The following SCAMP1 variants were observed in gnomAD, a reference collection of about 807,000 sequenced individuals.
The protein encoded by SCAMP1 is secretory carrier-associated membrane protein 1.
In SCAMP1, 15 loss-of-function variants were observed where a neutral mutation model predicts 41.8. That is an observed-to-expected ratio of 0.36 (90% confidence interval 0.24 to 0.55). The LOEUF is 0.55. SCAMP1 is among the 20% of genes least tolerant of loss of function. SCAMP1 has a pLI of 0.86. For missense variants in SCAMP1, 341 were observed against 412.6 expected, an observed-to-expected ratio of 0.83 and a Z score of 1.50; for synonymous variants, 135 against 136.8, an observed-to-expected ratio of 0.99 and a Z score of 0.09.
At chr5:78,416,763 C>G (rs1388642513) in intron 4 of SCAMP1, 114 bp downstream of exon 4, 3 of 711,978 alleles carry the variant, frequency 4.2e-6, no homozygotes, top group Non-Finnish European at 6.9e-6. Flanking sequence ...TTTTCCTGTT[C>G]TAACAAGGAG....
At chr5:78,452,650 C>G (rs1334097418) in intron 7 of SCAMP1, among the ~76,000 whole-genome samples, 1 of 151,556 alleles carries the variant, frequency 6.6e-6, no homozygotes, top group Non-Finnish European at 1.5e-5. Flanking sequence ...AATAAACATA[C>G]GTGTGCATGT....
At chr5:78,425,285 A>G (rs1231944570) in intron 6 of SCAMP1, among the ~76,000 whole-genome samples, 3 of 152,224 alleles carry the variant, frequency 2.0e-5, no homozygotes, top group South Asian at 2.1e-4. Flanking sequence ...GTTAAAAGGC[A>G]TAATAATGAG....
intron 6 of SCAMP1, among the ~76,000 whole-genome samples, chr5:78,432,724 G>A (rs1298104804): frequency 6.6e-6 from 1 of 151,924 alleles, no homozygotes; most frequent in African/African-American, 2.4e-5. Flanking sequence ...GTGTGTTTCT[G>A]TTTATCCTTA....
rs561201884 is a variant in SCAMP1, at chr5:78,436,690, T to A, written c.633-13243T>A. Among the ~76,000 whole-genome samples the A allele has an allele frequency of 1.1e-4, 16 of 152,350 alleles. No homozygotes were observed. The South Asian group carries it at 3.3e-3, about 32-fold the overall frequency. ...CAGCTTTGTTCTTTTTGCTTAGGATTGTCTTGGCAATGCAGGCTCTTTTTT... is the reference window on the plus strand; with the variant it reads ...CAGCTTTGTTCTTTTTGCTTAGGATAGTCTTGGCAATGCAGGCTCTTTTTT... On this transcript the variant is annotated intron_variant, in intron 6 of 8. Transcript: ENST00000621999.
chr5:78,479,026 C>G lies in SCAMP1; in HGVS notation c.*3358C>G, dbSNP rs1754069766. On this transcript the variant is annotated 3_prime_UTR_variant, in exon 9 of 9. Coordinates refer to ENST00000621999, the MANE Select transcript of SCAMP1 (RefSeq NM_004866.6). ...TAGTGCTTTTTACTCATTGCTGTAT[C>G]TTTTTCTGAAAACACTGTTGTTAAC... 1 of 152,048 alleles carries G rather than the reference C, an allele frequency of 6.6e-6. No homozygotes were observed. The highest frequency in any genetic ancestry group is 2.1e-4 in the South Asian group (1 of 4,832). 9.4% of individuals were successfully genotyped at this position (152,048 alleles called of 1,614,324 possible). A position where few individuals can be genotyped will look rare whatever the true frequency, so the allele number is the denominator to read the frequency against.
At chr5:78,452,375 TCC>T (rs1386096623) in intron 7 of SCAMP1, among the ~76,000 whole-genome samples, 1 of 129,326 alleles carries the variant, frequency 7.7e-6, no homozygotes, top group African/African-American at 3.0e-5. Context: ...AGTGTGATAT[TCC>T]CCTTCCTGTG....
chr5:78,450,019 A>G lies in SCAMP1; in HGVS notation c.719A>G (p.His240Arg). ...CATGTACTCCAAGCTGCAGGATTTC[A>G]TAACTGGGGCAATTGGTAAGTTTTT... ...AVHVLQAAGF[H>R]NWGNCGWISS... Residue 240 changes from histidine to arginine, a missense_variant, in exon 7 of 9, where the codon CAT (histidine) becomes CGT (arginine). By Grantham distance (29) the His-to-Arg change is conservative. Transcript: ENST00000621999. 1 of 1,556,312 alleles carries G rather than the reference A, an allele frequency of 6.4e-7. No individual in the cohort carries two copies. Among genetic ancestry groups the G allele is most frequent in the Non-Finnish European group, 8.7e-7 (1 of 1,152,462 alleles).
intron 1 of SCAMP1, among the ~76,000 whole-genome samples, chr5:78,372,364 A>G (rs1750962652): frequency 6.6e-6 from 1 of 152,150 alleles, no homozygotes; most frequent in South Asian, 2.1e-4. Context: ...CAAATTCTAA[A>G]TGGTGGTTAA....
rs184511095 is a variant in SCAMP1, at chr5:78,476,367, A to T, written c.*699A>T. 6.6e-6 allele frequency: 1 copy of T among 152,476 alleles called. No homozygotes were observed. Among genetic ancestry groups the T allele is most frequent in the African/African-American group, 2.4e-5 (1 of 41,582 alleles). 9.4% of individuals were successfully genotyped at this position (152,476 alleles called of 1,614,324 possible). On this transcript the variant is annotated 3_prime_UTR_variant, in exon 9 of 9. Transcript: ENST00000621999. ...GGAATCACAGAAATGATATTCTGCA[A>T]GAATTTCTTTTAAATAAAAAGTTTG...
intron 6 of SCAMP1, among the ~76,000 whole-genome samples, chr5:78,436,408 T>A (rs1429094776): frequency 6.6e-6 from 1 of 152,184 alleles, no homozygotes; most frequent in Non-Finnish European, 1.5e-5. Context: ...GTATAAGGTA[T>A]AAGGAAGGGA....
At chr5:78,420,701 C>CT (rs1405861334) in intron 5 of SCAMP1, among the ~76,000 whole-genome samples, 2 of 151,734 alleles carry the variant, frequency 1.3e-5, no homozygotes, top group Non-Finnish European at 2.9e-5. Flanking sequence ...ATCTGGAGCT[C>CT]TTTTTAAAAA....
chr5:78,361,087 C>A, intron 1 of SCAMP1: 1 of 225,372 alleles, frequency 4.4e-6, no homozygotes. Flanking sequence ...GCAAGTGTGG[C>A]TGGCAGGGCC....
intron 5 of SCAMP1, among the ~76,000 whole-genome samples, chr5:78,420,418 A>C (rs1752314011): frequency 6.6e-6 from 1 of 152,192 alleles, no homozygotes; most frequent in African/African-American, 2.4e-5. Context: ...ATAATTTTCT[A>C]TTTCACAATC....
chr5:78,383,847 G>C (rs1204796681), intron 1 of SCAMP1, among the ~76,000 whole-genome samples: 1 of 152,130 alleles, frequency 6.6e-6, no homozygotes, highest in Non-Finnish European at 1.5e-5. Flanking sequence ...TTATGGTATA[G>C]TTTGAAGTCT....
rs1455126106 is a variant in SCAMP1 at position 78,476,127 on chromosome 5, GGCTT to G, written c.*464_*467del. The stretch of plus-strand genomic sequence containing the variant: ...AGCAGAGACTTAGGGATTTTAAATT[GGCTT>G]GCTTTTTAGCTGTTTCAGTCACCAG... On this transcript the variant is annotated 3_prime_UTR_variant, in exon 9 of 9. Coordinates refer to ENST00000621999, the MANE Select transcript of SCAMP1 (RefSeq NM_004866.6). 2.0e-5 allele frequency: 3 copies of G among 152,570 alleles called. No homozygotes were observed. Among genetic ancestry groups the G allele is most frequent in the African/African-American group, 7.2e-5 (3 of 41,424 alleles). 9.5% of individuals were successfully genotyped at this position (152,570 alleles called of 1,614,324 possible).
At chr5:78,441,524 C>G (rs1221986378) in intron 6 of SCAMP1, among the ~76,000 whole-genome samples, 1 of 152,190 alleles carries the variant, frequency 6.6e-6, no homozygotes, top group African/African-American at 2.4e-5. Flanking sequence ...TAGTAAAAAG[C>G]TGGCTGGGTC....
intron 1 of SCAMP1, among the ~76,000 whole-genome samples, chr5:78,375,537 C>A (rs1406550175): frequency 1.3e-5 from 2 of 152,078 alleles, no homozygotes; most frequent in Non-Finnish European, 2.9e-5. Flanking sequence ...CCTTCAATTT[C>A]CCATTGGCTT....
chr5:78,410,806 CTGT>C (rs1254844325), intron 2 of SCAMP1, among the ~76,000 whole-genome samples: 4 of 152,192 alleles, frequency 2.6e-5, no homozygotes, highest in African/African-American at 9.6e-5. Flanking sequence ...TCGCCAGCAT[CTGT>C]TGTTTTCTGA....
chr5:78,432,460 A>T (rs185434137), intron 6 of SCAMP1, among the ~76,000 whole-genome samples: 1 of 152,134 alleles, frequency 6.6e-6, no homozygotes. Context: ...GATATTATCA[A>T]TAAGTATAAT....
Sources: allele counts gnomAD v4.1 joint callset (sites outside exome capture counted in the v4.1 genomes callset), GRCh38; gene constraint gnomAD v4.1.1; transcripts MANE v1.5; gene names NCBI Gene and HGNC (gene_info 2026-07-23, HGNC 2026-07-21).